The following AGMO variants were observed in gnomAD, a reference collection of about 807,000 sequenced individuals.
AGMO encodes glyceryl-ether monooxygenase.
Under a neutral mutation model 60.2 loss-of-function variants are expected in AGMO, and 75 were observed. That is an observed-to-expected ratio of 1.25 (90% CI 1.03 to 1.51). The LOEUF is 1.51. Ranked by LOEUF, AGMO falls within the 40% of genes most tolerant of loss-of-function variation. AGMO has a pLI of 0.00. For synonymous variants in AGMO, 261 were observed against 177.1 expected (o/e 1.47, Z -3.76); for missense variants, 763 against 525.5 (o/e 1.45, Z -4.42).
In AGMO at chr7:15,547,758, C is replaced by G. The variant is rs549225733; in HGVS notation, c.258-2835G>C. Among the ~76,000 whole-genome samples the G allele has an allele frequency of 2.6e-5, 4 of 151,962 alleles. No homozygotes were observed. In the East Asian group the frequency reaches 5.8e-4, roughly 22 times the overall value. On this transcript the variant is annotated intron_variant, in intron 2 of 12. Coordinates refer to ENST00000342526, the MANE Select transcript of AGMO (RefSeq NM_001004320.2). ...TGGGGGAGGGGCGCCCGCCATTGCC[C>G]GGGCTTGATTAGGTAAACAAAGCAG... is the stretch of plus-strand genomic sequence containing the variant.
chr7:15,414,108 T>G (rs1369726803), intron 5 of AGMO, among the ~76,000 whole-genome samples: 1 of 152,024 alleles, frequency 6.6e-6, no homozygotes, highest in South Asian at 2.1e-4. Context: ...CCCAGGTTCA[T>G]GCCATTCTCC....
At chr7:15,210,970 A>G (rs1231446321) in intron 12 of AGMO, among the ~76,000 whole-genome samples, 2 of 152,082 alleles carry the variant, frequency 1.3e-5, no homozygotes, top group Admixed American at 6.6e-5. Context: ...TAACAGTGTC[A>G]TAAGTAAATT....
At chr7:15,174,476 T>C in the AGMO span, among the ~76,000 whole-genome samples, 1 of 152,120 alleles carries the variant, frequency 6.6e-6, no homozygotes, top group Admixed American at 6.6e-5. Flanking sequence ...TTTATCACAT[T>C]GGTAAAAGCT....
chr7:15,460,574 ATT>A (rs1331366800), intron 3 of AGMO, among the ~76,000 whole-genome samples: 2 of 152,082 alleles, frequency 1.3e-5, no homozygotes, highest in African/African-American at 4.8e-5. Flanking sequence ...ACTCTTACAT[ATT>A]GTGTCAAAAA....
At chr7:15,379,762 A>G (rs1187676269) in intron 10 of AGMO, among the ~76,000 whole-genome samples, 2 of 152,116 alleles carry the variant, frequency 1.3e-5, no homozygotes, top group African/African-American at 2.4e-5. Flanking sequence ...AAAATTCTCA[A>G]TAAAATACTG....
chr7:15,361,216 A>C (rs533259900), intron 12 of AGMO, among the ~76,000 whole-genome samples: 1 of 151,840 alleles, frequency 6.6e-6, no homozygotes, highest in Non-Finnish European at 1.5e-5. Flanking sequence ...TCATGCAGCC[A>C]TATCTCTCAA....
intron 3 of AGMO, among the ~76,000 whole-genome samples, chr7:15,538,558 A>C (rs761132051): frequency 3.3e-5 from 5 of 152,166 alleles, no homozygotes; most frequent in Admixed American, 1.3e-4. Flanking sequence ...TATTTTTAAA[A>C]TAAAGAATGT....
intron 12 of AGMO, among the ~76,000 whole-genome samples, chr7:15,239,830 C>T (rs1782536519): frequency 6.6e-6 from 1 of 152,042 alleles, no homozygotes; most frequent in Non-Finnish European, 1.5e-5. Flanking sequence ...AACTGAATAA[C>T]ACTGTTTAAT....
intron 12 of AGMO, among the ~76,000 whole-genome samples, chr7:15,262,140 A>C (rs887371638): frequency 6.6e-6 from 1 of 152,104 alleles, no homozygotes; most frequent in African/African-American, 2.4e-5. Flanking sequence ...CAGAGCAATC[A>C]GACAAGAGAA....
Position 15,483,761 on chromosome 7 carries a change from G to T in AGMO, c.410-52653C>A, listed in dbSNP as rs187028089. Reference sequence around the variant, plus strand: ...GTAAAGATATAAACACTCACAAATTGATTTATAAATTCAATACAATTGTAA... The same window carrying T: ...GTAAAGATATAAACACTCACAAATTTATTTATAAATTCAATACAATTGTAA... On this transcript the variant is annotated intron_variant, in intron 3 of 12. Transcript: ENST00000342526. Among the ~76,000 whole-genome samples the T allele has an allele frequency of 9.3e-3, 1,413 of 152,104 alleles. 12 individuals carry two copies. The highest frequency in any genetic ancestry group is 0.014 in the Non-Finnish European group (924 of 67,982).
intron 12 of AGMO, among the ~76,000 whole-genome samples, chr7:15,318,492 T>C (rs1781009168): frequency 6.6e-6 from 1 of 152,126 alleles, no homozygotes; most frequent in Non-Finnish European, 1.5e-5. Flanking sequence ...GAAATCCTAA[T>C]CCACATGGTC....
intron 12 of AGMO, among the ~76,000 whole-genome samples, chr7:15,299,845 A>G (rs1033386294): frequency 2.3e-5 from 3 of 130,764 alleles, no homozygotes; most frequent in Non-Finnish European, 3.3e-5. Flanking sequence ...ACACACACAC[A>G]CACACACACA....
intron 6 of AGMO, among the ~76,000 whole-genome samples, chr7:15,393,586 G>C (rs914928780): frequency 2.0e-5 from 3 of 152,192 alleles, no homozygotes; most frequent in African/African-American, 7.2e-5. Flanking sequence ...TGTTACTTAA[G>C]TTGGTGTCTT....
At chr7:15,219,865 T>C (rs1781863615) in intron 12 of AGMO, among the ~76,000 whole-genome samples, 1 of 152,140 alleles carries the variant, frequency 6.6e-6, no homozygotes, top group East Asian at 1.9e-4. Context: ...AGAAAATATA[T>C]CTATGCTCTC....
the AGMO span, among the ~76,000 whole-genome samples, chr7:15,117,943 G>T: frequency 6.6e-6 from 1 of 151,818 alleles, no homozygotes; most frequent in African/African-American, 2.4e-5. Flanking sequence ...AAACTGCGAA[G>T]TTTGATGAAA....
intron 12 of AGMO, among the ~76,000 whole-genome samples, chr7:15,351,900 T>G (rs1296759730): frequency 1.3e-5 from 2 of 151,938 alleles, no homozygotes; most frequent in Non-Finnish European, 2.9e-5. Context: ...ATGAATCATG[T>G]GGAATATTTA....
chr7:15,560,061 C>A (rs778121151), intron 2 of AGMO, 80 bp downstream of exon 2: 115 of 1,281,648 alleles, frequency 9.0e-5, no homozygotes, highest in Non-Finnish European at 1.1e-4. Flanking sequence ...AACTAATTCT[C>A]CCATGCATTG....
chr7:15,247,727 T>C (rs1782790726), intron 12 of AGMO, among the ~76,000 whole-genome samples: 1 of 152,170 alleles, frequency 6.6e-6, no homozygotes, highest in African/African-American at 2.4e-5. Context: ...CTTTATTATA[T>C]ACTTTAAATA....
At chr7:15,374,366 T>C (rs1213761743) in intron 10 of AGMO, among the ~76,000 whole-genome samples, 1 of 152,126 alleles carries the variant, frequency 6.6e-6, no homozygotes, top group Non-Finnish European at 1.5e-5. Flanking sequence ...TGAAAATATA[T>C]TGGCTAAAAA....
Sources: gnomAD v4.1 joint callset for allele counts (sites outside exome capture counted in the v4.1 genomes callset) on GRCh38, gnomAD v4.1.1 for gene constraint, MANE v1.5 for transcripts, NCBI Gene and HGNC (gene_info 2026-07-23, HGNC 2026-07-21) for gene names.